NLGN1: variants seen among roughly 807,000 people sequenced by gnomAD.
NLGN1 encodes the protein neuroligin 1.
A neutral mutation model predicts 65.5 loss-of-function variants in NLGN1; 12 were observed. The observed-to-expected ratio is 0.18, with a 90% CI of 0.12 to 0.30. The LOEUF (loss-of-function observed/expected upper bound fraction) is 0.30. Ranked by LOEUF, NLGN1 falls within the 10% of genes least tolerant of loss-of-function variation. NLGN1 has a pLI of 1.00. For synonymous variants in NLGN1, 350 were observed against 359.5 expected (o/e 0.97, Z 0.30); for missense variants, 750 against 1,007.1 (o/e 0.74, Z 3.46).
chr3:173,630,066 A>G (rs1011923163), intron 3 of NLGN1, among the ~76,000 whole-genome samples: 24 of 152,166 alleles, frequency 1.6e-4, no homozygotes, highest in African/African-American at 5.1e-4. Flanking sequence ...AGAATAAACT[A>G]TGTTCCTAGG....
intron 3 of NLGN1, among the ~76,000 whole-genome samples, chr3:173,787,250 TG>T (rs1782137737): frequency 6.6e-6 from 1 of 152,234 alleles, no homozygotes; most frequent in South Asian, 2.1e-4. Context: ...TAAAGTCAAC[TG>T]TATATTTTTA....
chr3:174,229,975 AG>A (rs1490494392), intron 4 of NLGN1, among the ~76,000 whole-genome samples: 3 of 152,218 alleles, frequency 2.0e-5, no homozygotes, highest in African/African-American at 7.2e-5. Flanking sequence ...AAACATCTAG[AG>A]AAATCCTTAC....
intron 3 of NLGN1, among the ~76,000 whole-genome samples, chr3:173,714,608 A>G (rs1769537049): frequency 6.6e-6 from 1 of 152,108 alleles, no homozygotes; most frequent in African/African-American, 2.4e-5. Flanking sequence ...AGGGGAACCC[A>G]TTTATTTTAG....
At chr3:173,516,965 C>G (rs949783296) in intron 2 of NLGN1, among the ~76,000 whole-genome samples, 1 of 151,976 alleles carries the variant, frequency 6.6e-6, no homozygotes, top group South Asian at 2.1e-4. Flanking sequence ...TACATATTAT[C>G]TTACTATCAT....
chr3:173,510,058 C>A (rs1028979673), intron 2 of NLGN1, among the ~76,000 whole-genome samples: 2 of 152,258 alleles, frequency 1.3e-5, no homozygotes, highest in African/African-American at 2.4e-5. Flanking sequence ...CAAGAATCTA[C>A]ATATGGAACA....
At chr3:173,847,343 A>G (rs961971370) in intron 4 of NLGN1, among the ~76,000 whole-genome samples, 2 of 152,116 alleles carry the variant, frequency 1.3e-5, no homozygotes, top group Non-Finnish European at 2.9e-5. Flanking sequence ...CTCTCAATGC[A>G]TTTTTCTCAC....
chr3:173,906,532 C>T (rs933283041), intron 4 of NLGN1, among the ~76,000 whole-genome samples: 1 of 152,140 alleles, frequency 6.6e-6, no homozygotes, highest in Non-Finnish European at 1.5e-5. Context: ...CTAATCAACC[C>T]ATCACATTTT....
intron 4 of NLGN1, among the ~76,000 whole-genome samples, chr3:173,859,007 G>A (rs17323996): frequency 0.036 from 5,416 of 151,996 alleles, 155 homozygotes; most frequent in Non-Finnish European, 0.054. Context: ...GTAAATTAAT[G>A]ATGTTTCTCT....
At chr3:173,463,069 A>G (rs577632656) in intron 2 of NLGN1, among the ~76,000 whole-genome samples, 3 of 152,132 alleles carry the variant, frequency 2.0e-5, no homozygotes, top group Non-Finnish European at 4.4e-5. Flanking sequence ...TCCCTCTGGG[A>G]CACTTTATTT....
At chr3:173,878,318 G>T (rs2150909106) in intron 4 of NLGN1, among the ~76,000 whole-genome samples, 1 of 152,226 alleles carries the variant, frequency 6.6e-6, no homozygotes, top group South Asian at 2.1e-4. Flanking sequence ...GGGATTACAG[G>T]CGTGAGCCAC....
intron 4 of NLGN1, among the ~76,000 whole-genome samples, chr3:174,017,601 G>A (rs2152453474): frequency 6.6e-6 from 1 of 152,228 alleles, no homozygotes; most frequent in East Asian, 1.9e-4. Context: ...GAGAAATAAA[G>A]GGAAAGACTA....
At chr3:173,537,846 A>C (rs146023642) in intron 2 of NLGN1, among the ~76,000 whole-genome samples, 1,736 of 152,076 alleles carry the variant, frequency 0.011, 34 homozygotes, top group African/African-American at 0.04. Context: ...CCTCTTTCTT[A>C]CCTCCATTGT....
intron 3 of NLGN1, among the ~76,000 whole-genome samples, chr3:173,739,615 T>C (rs73880563): frequency 0.042 from 6,436 of 152,012 alleles, 459 homozygotes; most frequent in African/African-American, 0.15. Context: ...CAGGGAAAGG[T>C]TTCTAGAGAA....
chr3:174,193,796 G>C (rs1450849491), intron 4 of NLGN1, among the ~76,000 whole-genome samples: 1 of 152,060 alleles, frequency 6.6e-6, no homozygotes, highest in Non-Finnish European at 1.5e-5. Flanking sequence ...ACATTTTTAA[G>C]GCTTGGTTTA....
chr3:174,202,064 T>A (rs928136910), intron 4 of NLGN1, among the ~76,000 whole-genome samples: 15 of 152,136 alleles, frequency 9.9e-5, no homozygotes, highest in African/African-American at 3.6e-4. Context: ...TCAATTCACT[T>A]CTTTATATCT....
chr3:173,955,388 ATGT>A (rs1165793176), intron 4 of NLGN1, among the ~76,000 whole-genome samples: 1 of 152,140 alleles, frequency 6.6e-6, no homozygotes, highest in African/African-American at 2.4e-5. Context: ...GATGCATGTA[ATGT>A]TGTTAAAATG....
intron 1 of NLGN1, among the ~76,000 whole-genome samples, chr3:173,423,839 C>G (rs1715588010): frequency 6.6e-6 from 1 of 152,326 alleles, no homozygotes; most frequent in South Asian, 2.1e-4. Context: ...CACAGCTCCA[C>G]TAGGCAGTGC....
At chr3:173,490,321 G>A (rs535242037) in intron 2 of NLGN1, among the ~76,000 whole-genome samples, 1 of 152,176 alleles carries the variant, frequency 6.6e-6, no homozygotes, top group Admixed American at 6.5e-5. Context: ...TGGCTAGCCA[G>A]TTTTCCCAGC....
intron 4 of NLGN1, among the ~76,000 whole-genome samples, chr3:173,896,838 C>T: frequency 6.6e-6 from 1 of 152,152 alleles, no homozygotes; most frequent in South Asian, 2.1e-4. Context: ...CAGCTAGAGA[C>T]CTGGACTCTC....
Sources: gnomAD v4.1 joint callset for allele counts (sites outside exome capture counted in the v4.1 genomes callset) on GRCh38, gnomAD v4.1.1 for gene constraint, MANE v1.5 for transcripts, NCBI Gene and HGNC (gene_info 2026-07-23, HGNC 2026-07-21) for gene names.